UMAD1: variants seen among roughly 807,000 people sequenced by gnomAD.
UMAD1 encodes the protein UBAP1-MVB12-associated (UMA)-domain containing protein 1.
Under a neutral mutation model 6.1 loss-of-function variants are expected in UMAD1, and 8 were observed. The ratio of observed to expected loss-of-function variants is 1.30; its 90% CI spans 0.76 to 2.35. UMAD1 has a LOEUF of 2.35. Among genes scored for constraint, UMAD1 ranks in the 30% most tolerant of loss-of-function variants. UMAD1 has a pLI of 0.00. For synonymous variants in UMAD1, 56 were observed against 31.4 expected, an observed-to-expected ratio of 1.78 and a Z score of -2.61; for missense variants, 130 against 78.4, an observed-to-expected ratio of 1.66 and a Z score of -2.49.
chr7:7,677,684 T>G (rs868516911), intron 2 of UMAD1, among the ~76,000 whole-genome samples: 1,538 of 141,508 alleles, frequency 0.011, 29 homozygotes, highest in Non-Finnish European at 0.019. Context: ...TTTTTTTTTT[T>G]TTTTTTTGAG....
At chr7:7,681,044 TTG>T (rs1563116743) in intron 2 of UMAD1, among the ~76,000 whole-genome samples, 1 of 152,114 alleles carries the variant, frequency 6.6e-6, no homozygotes. Flanking sequence ...TTTTGTTGGT[TTG>T]TGTGTTTGTT....
chr7:7,730,854 T>C (rs1781233964), intron 2 of UMAD1, among the ~76,000 whole-genome samples: 1 of 151,996 alleles, frequency 6.6e-6, no homozygotes. Context: ...TGGTTGGGGC[T>C]GGATAGGGGC....
chr7:7,691,933 A>G (rs28912722), intron 2 of UMAD1, among the ~76,000 whole-genome samples: 1 of 152,306 alleles, frequency 6.6e-6, no homozygotes, highest in Non-Finnish European at 1.5e-5. Flanking sequence ...ACTCATGCAA[A>G]TGTGGAAGGA....
chr7:7,781,895 A>G (rs1255606503), intron 2 of UMAD1, among the ~76,000 whole-genome samples: 4 of 152,022 alleles, frequency 2.6e-5, no homozygotes, highest in Admixed American at 6.5e-5. Context: ...AGAAATGTAG[A>G]ATTCTGATCT....
At chr7:7,673,138 C>G (rs1286470253) in intron 1 of UMAD1, among the ~76,000 whole-genome samples, 171 bp from the exon 2 acceptor site, 1 of 152,182 alleles carries the variant, frequency 6.6e-6, no homozygotes, top group Non-Finnish European at 1.5e-5. Context: ...ATTGGAAGAT[C>G]ATTTTCTAGC....
chr7:7,777,517 A>AAAAG (rs1554327157), intron 2 of UMAD1, among the ~76,000 whole-genome samples: 4 of 123,946 alleles, frequency 3.2e-5, no homozygotes, highest in African/African-American at 1.2e-4. Context: ...AAAAAAAAAA[A>AAAAG]AAAAAAGAAA....
At chr7:7,838,656 T>C (rs2115312136) in intron 3 of UMAD1, among the ~76,000 whole-genome samples, 1 of 152,328 alleles carries the variant, frequency 6.6e-6, no homozygotes, top group East Asian at 1.9e-4. Flanking sequence ...ATGATCACAG[T>C]GCTATTCATG....
At chr7:7,715,877 A>C (rs1306953759) in intron 2 of UMAD1, among the ~76,000 whole-genome samples, 3 of 152,214 alleles carry the variant, frequency 2.0e-5, no homozygotes, top group Non-Finnish European at 4.4e-5. Flanking sequence ...GCATAGAGCA[A>C]AATTTACATT....
chr7:7,775,489 C>A, intron 2 of UMAD1, among the ~76,000 whole-genome samples: 1 of 152,246 alleles, frequency 6.6e-6, no homozygotes, highest in Admixed American at 6.5e-5. Context: ...AGGTGCCTTC[C>A]GCCATGATTG....
chr7:7,824,688 C>T (rs1286277294), intron 3 of UMAD1, among the ~76,000 whole-genome samples: 1 of 152,138 alleles, frequency 6.6e-6, no homozygotes, highest in Non-Finnish European at 1.5e-5. Flanking sequence ...ACACTATCAT[C>T]ATCATTTTGA....
Position 7,786,733 on chromosome 7 carries a change from G to A in UMAD1, c.83-14937G>A, listed in dbSNP as rs1250630885. ...TTGAAAGGCTCTCCCTGTTGCCACT[G>A]TGCTCTGGTTTCCAGATGCCTTGCT... On this transcript the variant is annotated intron_variant, in intron 2 of 3. Coordinates refer to ENST00000682710, the MANE Select transcript of UMAD1 (RefSeq NM_001302348.2). Among the ~76,000 whole-genome samples, 6 of 152,306 alleles carry A rather than the reference G, an allele frequency of 3.9e-5. No individual in the cohort carries two copies. In the East Asian group the frequency reaches 5.8e-4, roughly 15 times the overall value.
intron 3 of UMAD1, among the ~76,000 whole-genome samples, chr7:7,846,238 CATA>C (rs1783779971): frequency 1.3e-5 from 2 of 152,170 alleles, no homozygotes; most frequent in Non-Finnish European, 2.9e-5. Context: ...CATGATATTC[CATA>C]ATATCTCATA....
At chr7:7,797,691 AT>A (rs35249714) in intron 2 of UMAD1, among the ~76,000 whole-genome samples, 7,128 of 141,810 alleles carry the variant, frequency 0.05, 211 homozygotes, top group Non-Finnish European at 0.075. Context: ...ATCATCCAAC[AT>A]TTTTTTTTTT....
chr7:7,671,224 C>T (rs1448762810), intron 1 of UMAD1, among the ~76,000 whole-genome samples: 3 of 152,170 alleles, frequency 2.0e-5, no homozygotes, highest in African/African-American at 7.2e-5. Context: ...AATAGCCAGA[C>T]CTAAAATTTT....
intron 2 of UMAD1, among the ~76,000 whole-genome samples, chr7:7,696,253 A>C (rs1039389180): frequency 2.0e-5 from 3 of 151,464 alleles, no homozygotes; most frequent in Non-Finnish European, 4.4e-5. Flanking sequence ...TTGAACTCAT[A>C]CAAGACTCAC....
intron 3 of UMAD1, among the ~76,000 whole-genome samples, chr7:7,874,337 G>A (rs1431688790): frequency 6.6e-6 from 1 of 152,108 alleles, no homozygotes; most frequent in Non-Finnish European, 1.5e-5. Flanking sequence ...TCTACTATCT[G>A]CTGTCAACCC....
intron 3 of UMAD1, among the ~76,000 whole-genome samples, chr7:7,861,578 TTTAA>T (rs1583879819): frequency 6.6e-6 from 1 of 152,212 alleles, no homozygotes; most frequent in South Asian, 2.1e-4. Flanking sequence ...CCCATTGGAA[TTTAA>T]TTAGTCTACC....
intron 2 of UMAD1, among the ~76,000 whole-genome samples, chr7:7,779,383 G>T (rs1166035967): frequency 1.3e-5 from 2 of 151,938 alleles, no homozygotes; most frequent in African/African-American, 4.8e-5. Context: ...TCCCTTTTCA[G>T]CCTCCCCAAG....
intron 2 of UMAD1, among the ~76,000 whole-genome samples, chr7:7,788,593 AG>A (rs1377759794): frequency 6.6e-6 from 1 of 151,860 alleles, no homozygotes; most frequent in Non-Finnish European, 1.5e-5. Context: ...GCAGGCTCTC[AG>A]TGTCTGATTT....
Sources: gnomAD v4.1 joint callset for allele counts (sites outside exome capture counted in the v4.1 genomes callset) on GRCh38, gnomAD v4.1.1 for gene constraint, MANE v1.5 for transcripts, NCBI Gene and HGNC (gene_info 2026-07-23, HGNC 2026-07-21) for gene names.